The following GPC3 variants were observed in gnomAD, a reference collection of about 807,000 sequenced individuals.
GPC3 encodes the protein glypican-3.
In GPC3, 3 loss-of-function variants were observed where a neutral mutation model predicts 34.4. The ratio of observed to expected loss-of-function variants is 0.09; its 90% CI spans 0.04 to 0.23. The LOEUF (loss-of-function observed/expected upper bound fraction) is 0.23, where lower values mean the gene tolerates loss of function less well. Among genes scored for constraint, GPC3 ranks in the 10% least tolerant of loss-of-function variants. The pLI is 1.00. For missense variants in GPC3, 351 were observed against 445.6 expected (o/e 0.79, Z 1.91); for synonymous variants, 177 against 174.0 (o/e 1.02, Z -0.13).
chrX:133,943,338 C>G (rs1376964334), intron 2 of GPC3, among the ~76,000 whole-genome samples: 1 of 112,193 alleles, frequency 8.9e-6, no homozygotes, highest in East Asian at 2.8e-4. Flanking sequence ...ATTGTGCCTT[C>G]CACTAAAATA....
At chrX:133,660,199 C>T (rs758243651) in intron 6 of GPC3, among the ~76,000 whole-genome samples, 1 of 112,043 alleles carries the variant, frequency 8.9e-6, no homozygotes, top group African/African-American at 3.2e-5. Context: ...CTTAGAAAGC[C>T]CTTCTAAGTA....
In GPC3 at chrX:133,958,628, T is replaced by C. The variant is rs1215877247; in HGVS notation, c.176-5417A>G. ...AAACGTTACATCTGTACACTTAACT[T>C]GGATCTTGGAAAAATATTTTAAAAT... On this transcript the variant is annotated intron_variant, in intron 1 of 7. Transcript: ENST00000370818. 1.9e-4 allele frequency among the ~76,000 whole-genome samples: 20 copies of C among 105,394 alleles called. No homozygotes were observed. The Admixed American group carries it at 2.0e-3, about 10-fold the overall frequency. 91.5% of individuals were successfully genotyped at this position (105,394 alleles called of 115,157 possible).
chrX:133,701,081 C>T (rs1447362919), intron 3 of GPC3, among the ~76,000 whole-genome samples: 2 of 111,017 alleles, frequency 1.8e-5, no homozygotes, highest in Non-Finnish European at 3.8e-5. Flanking sequence ...GGATATCTCT[C>T]GCTAAAGCTG....
At chrX:133,895,351 T>C (rs2076106711) in intron 2 of GPC3, among the ~76,000 whole-genome samples, 1 of 111,840 alleles carries the variant, frequency 8.9e-6, no homozygotes, top group African/African-American at 3.3e-5. Context: ...AATTAGTTTA[T>C]TGTTACTTTG....
At chrX:133,938,793 A>G (rs2076332924) in intron 2 of GPC3, among the ~76,000 whole-genome samples, 1 of 112,098 alleles carries the variant, frequency 8.9e-6, no homozygotes, top group African/African-American at 3.2e-5. Context: ...GTTTTCACAT[A>G]AAAGACTTCT....
intron 4 of GPC3, among the ~76,000 whole-genome samples, chrX:133,694,759 A>C (rs184068993): frequency 0.018 from 1,889 of 107,886 alleles, 18 homozygotes; most frequent in Middle Eastern, 0.034. Flanking sequence ...TAAAAAAAAA[A>C]CCAAAAAACA....
chrX:133,901,731 G>A (rs748582845), intron 2 of GPC3, among the ~76,000 whole-genome samples: 18 of 112,156 alleles, frequency 1.6e-4, no homozygotes, highest in Non-Finnish European at 3.4e-4. Context: ...GAGCCACTGC[G>A]CCTGGCAATC....
At chrX:133,698,999 C>T (rs988006405) in intron 4 of GPC3, among the ~76,000 whole-genome samples, 1 of 112,205 alleles carries the variant, frequency 8.9e-6, no homozygotes, top group Non-Finnish European at 1.9e-5. Flanking sequence ...TGGGCAGTCT[C>T]GATCTCCTAA....
At chrX:133,590,377 T>G (rs1402396767) in intron 7 of GPC3, among the ~76,000 whole-genome samples, 1 of 111,327 alleles carries the variant, frequency 9.0e-6, no homozygotes, top group South Asian at 3.8e-4. Flanking sequence ...TTCTGAGAAG[T>G]GCGAGGAACA....
intron 1 of GPC3, among the ~76,000 whole-genome samples, chrX:133,956,684 C>T (rs749837788): frequency 8.9e-6 from 1 of 112,163 alleles, no homozygotes; most frequent in East Asian, 2.8e-4. Context: ...TTGACAATCA[C>T]TTCCAGTTTT....
At chrX:133,936,292 C>T (rs1046663736) in intron 2 of GPC3, among the ~76,000 whole-genome samples, 1 of 107,954 alleles carries the variant, frequency 9.3e-6, no homozygotes, top group Non-Finnish European at 1.9e-5. Context: ...CCACCTTGCC[C>T]GGCCTGAGTC....
chrX:133,906,849 C>G lies in GPC3; in HGVS notation c.337+46201G>C, dbSNP rs558135471. Among the ~76,000 whole-genome samples the G allele has an allele frequency of 3.0e-4, 34 of 111,868 alleles. No individual in the cohort carries two copies. In the South Asian group the frequency reaches 0.013, roughly 42 times the overall value. On this transcript the variant is annotated intron_variant, in intron 2 of 7. Coordinates refer to ENST00000370818, the MANE Select transcript of GPC3 (RefSeq NM_004484.4). The stretch of plus-strand genomic sequence containing the variant: ...ATCCCAGCACTTTGGGAGGCCGAGG[C>G]GGGCAGATCACCAGGTCAGGAGATC...
chrX:133,853,839 T>C lies in GPC3; in HGVS notation c.337+99211A>G, dbSNP rs1011586454. On this transcript the variant is annotated intron_variant, in intron 2 of 7. Coordinates refer to ENST00000370818, the MANE Select transcript of GPC3 (RefSeq NM_004484.4). ...TGCTTTGATGCACTGCTGTGAGGTG[T>C]AGGGGATAGGAGTAGGATCTCATTG... 4.5e-5 allele frequency among the ~76,000 whole-genome samples: 5 copies of C among 111,944 alleles called. No homozygotes were observed. The Admixed American group carries it at 4.7e-4, about 11-fold the overall frequency.
At chrX:133,973,444 T>A (rs1426589247) in intron 1 of GPC3, among the ~76,000 whole-genome samples, 2 of 112,723 alleles carry the variant, frequency 1.8e-5, no homozygotes, top group Admixed American at 9.4e-5. Context: ...TCAGTAAAGA[T>A]TAATTTCCAT....
intron 5 of GPC3, among the ~76,000 whole-genome samples, chrX:133,672,871 C>A (rs186938579): frequency 1.9e-5 from 2 of 106,179 alleles, no homozygotes; most frequent in African/African-American, 7.0e-5. Flanking sequence ...AGGATGGTCT[C>A]GATCTCCTGA....
At chrX:133,720,443 G>A (rs771311369) in intron 3 of GPC3, among the ~76,000 whole-genome samples, 2 of 111,724 alleles carry the variant, frequency 1.8e-5, no homozygotes, top group Middle Eastern at 4.6e-3. Context: ...GTTTTATAAA[G>A]AGGAGTTCCT....
rs755068119 is a variant in GPC3, at chrX:133,881,177, C to T, written c.337+71873G>A. On this transcript the variant is annotated intron_variant, in intron 2 of 7. Coordinates refer to ENST00000370818, the MANE Select transcript of GPC3 (RefSeq NM_004484.4). ...GAATCCCTCATGGTATTGCAAAGGG[C>T]TTTTCCTGCTCTCACTGCGTACCCA... Among the ~76,000 whole-genome samples, 6 of 112,042 alleles carry T rather than the reference C, an allele frequency of 5.4e-5. No individual in the cohort carries two copies. In the East Asian group the frequency reaches 1.7e-3, roughly 32 times the overall value.
chrX:133,754,415 A>G (rs1338797117), intron 2 of GPC3, among the ~76,000 whole-genome samples: 1 of 111,940 alleles, frequency 8.9e-6, no homozygotes, highest in Admixed American at 9.5e-5. Context: ...TAAATTCTTA[A>G]ACACACAAAT....
intron 6 of GPC3, among the ~76,000 whole-genome samples, chrX:133,645,028 G>A (rs1416796249): frequency 1.7e-4 from 19 of 111,546 alleles, no homozygotes; most frequent in African/African-American, 5.2e-4. Flanking sequence ...TGATCCACCC[G>A]CCTTGGCCTC....
Sources: allele counts gnomAD v4.1 joint callset (sites outside exome capture counted in the v4.1 genomes callset), GRCh38; gene constraint gnomAD v4.1.1; transcripts MANE v1.5; gene names NCBI Gene and HGNC (gene_info 2026-07-23, HGNC 2026-07-21).